Variants in HPSE2 observed in about 807,000 individuals in gnomAD.
HPSE2 encodes heparanase 2 (inactive).
In HPSE2, 38 loss-of-function variants were observed where a neutral mutation model predicts 60.5. The observed-to-expected ratio is 0.63, with a 90% CI of 0.48 to 0.82. The LOEUF is 0.82. Ranked by LOEUF, HPSE2 falls within the 40% of genes least tolerant of loss-of-function variation. HPSE2 has a pLI of 0.00. For missense variants in HPSE2, 713 were observed against 740.4 expected (o/e 0.96, Z 0.43); for synonymous variants, 295 against 293.2 (o/e 1.01, Z -0.06).
intron 7 of HPSE2, among the ~76,000 whole-genome samples, chr10:98,636,270 C>T (rs531505144): frequency 9.7e-4 from 145 of 150,152 alleles, no homozygotes; most frequent in African/African-American, 3.3e-3. Context: ...AACAGAGTCT[C>T]GCTCTGTTGC....
chr10:99,273,599 A>C, the HPSE2 span, among the ~76,000 whole-genome samples: 2 of 152,190 alleles, frequency 1.3e-5, no homozygotes, highest in Non-Finnish European at 2.9e-5. Context: ...TCCAAGACAT[A>C]AACCAACCCC....
At chr10:98,543,162 G>A (rs1474966765) in intron 9 of HPSE2, among the ~76,000 whole-genome samples, 2 of 152,074 alleles carry the variant, frequency 1.3e-5, no homozygotes, top group African/African-American at 4.8e-5. Context: ...GAAGAGAGTG[G>A]GGGCCAATAT....
At chr10:98,755,805 G>A (rs906028105) in intron 3 of HPSE2, among the ~76,000 whole-genome samples, 2 of 152,020 alleles carry the variant, frequency 1.3e-5, no homozygotes, top group Admixed American at 1.3e-4. Flanking sequence ...AGACCATCCT[G>A]GCCAACATGG....
At chr10:98,934,076 G>A (rs748814147) in intron 3 of HPSE2, among the ~76,000 whole-genome samples, 1 of 143,234 alleles carries the variant, frequency 7.0e-6, no homozygotes, top group Non-Finnish European at 1.5e-5. Flanking sequence ...AGTCTGTTTT[G>A]TCAGAAACTA....
At chr10:99,129,994 G>A (rs938609658) in intron 3 of HPSE2, among the ~76,000 whole-genome samples, 1 of 151,940 alleles carries the variant, frequency 6.6e-6, no homozygotes, top group African/African-American at 2.4e-5. Flanking sequence ...AAGGCTACCA[G>A]GAACACCTTT....
chr10:98,466,943 G>A (rs892143050), intron 11 of HPSE2, among the ~76,000 whole-genome samples: 2 of 152,058 alleles, frequency 1.3e-5, no homozygotes, highest in South Asian at 2.1e-4. Context: ...TTCTCCAACC[G>A]CCAAGAGGCT....
At chr10:98,707,686 T>A (rs1348768121) in intron 5 of HPSE2, among the ~76,000 whole-genome samples, 1 of 152,088 alleles carries the variant, frequency 6.6e-6, no homozygotes, top group African/African-American at 2.4e-5. Flanking sequence ...AGTATATAGT[T>A]TACAGAAAAA....
chr10:99,129,219 A>G (rs895093875), intron 3 of HPSE2, among the ~76,000 whole-genome samples: 10 of 152,176 alleles, frequency 6.6e-5, no homozygotes, highest in Non-Finnish European at 1.3e-4. Context: ...ACAGCACTAG[A>G]CAGGTCATCA....
intron 11 of HPSE2, among the ~76,000 whole-genome samples, chr10:98,459,972 C>T (rs1940215135): frequency 6.6e-6 from 1 of 152,144 alleles, no homozygotes; most frequent in African/African-American, 2.4e-5. Context: ...TCATTATCCC[C>T]ATTTTATCTA....
At chr10:98,578,695 G>A (rs1944707275) in intron 9 of HPSE2, among the ~76,000 whole-genome samples, 1 of 152,112 alleles carries the variant, frequency 6.6e-6, no homozygotes, top group Non-Finnish European at 1.5e-5. Flanking sequence ...GAAAAATTGT[G>A]AAACACTTAA....
chr10:98,999,359 A>C (rs1216883694), intron 3 of HPSE2, among the ~76,000 whole-genome samples: 1 of 152,180 alleles, frequency 6.6e-6, no homozygotes, highest in Non-Finnish European at 1.5e-5. Flanking sequence ...CAGGTGCCTG[A>C]AGAGCTTACG....
At chr10:99,046,685 G>T (rs1292882161) in intron 3 of HPSE2, among the ~76,000 whole-genome samples, 1 of 151,912 alleles carries the variant, frequency 6.6e-6, no homozygotes, top group African/African-American at 2.4e-5. Context: ...CACCAATAAT[G>T]TCCATGCTGA....
intron 3 of HPSE2, among the ~76,000 whole-genome samples, chr10:99,069,014 C>A (rs1842702520): frequency 2.0e-5 from 3 of 152,202 alleles, no homozygotes; most frequent in Non-Finnish European, 4.4e-5. Flanking sequence ...GCTGTCTTTA[C>A]TGGTGAATTC....
chr10:99,170,522 T>A (rs1374630906), intron 2 of HPSE2, among the ~76,000 whole-genome samples: 1 of 152,338 alleles, frequency 6.6e-6, no homozygotes, highest in Admixed American at 6.5e-5. Context: ...ATCATTCATA[T>A]GCTAAATATT....
chr10:99,117,417 GAAA>G (rs1157232317), intron 3 of HPSE2, among the ~76,000 whole-genome samples: 40 of 24,798 alleles, frequency 1.6e-3, no homozygotes, highest in African/African-American at 7.8e-3. Flanking sequence ...TTGTTTTTTT[GAAA>G]AAAAAAAAAA....
At chr10:98,870,114 T>A (rs1345680560) in intron 3 of HPSE2, among the ~76,000 whole-genome samples, 1 of 152,194 alleles carries the variant, frequency 6.6e-6, no homozygotes, top group Non-Finnish European at 1.5e-5. Context: ...ACATATAATG[T>A]AGAAAGATGT....
chr10:99,202,022 G>A (rs1047325788), intron 2 of HPSE2, among the ~76,000 whole-genome samples: 2 of 152,148 alleles, frequency 1.3e-5, no homozygotes, highest in African/African-American at 4.8e-5. Context: ...CGAGATCACT[G>A]GAAGAGCAAG....
intron 3 of HPSE2, among the ~76,000 whole-genome samples, chr10:98,885,178 A>G (rs780776306): frequency 2.6e-5 from 4 of 152,132 alleles, no homozygotes; most frequent in Non-Finnish European, 5.9e-5. Flanking sequence ...GTAACTTCAG[A>G]TGTGGTAGAA....
chr10:98,883,738 A>T (rs1345278704), intron 3 of HPSE2, among the ~76,000 whole-genome samples: 1 of 152,124 alleles, frequency 6.6e-6, no homozygotes, highest in Non-Finnish European at 1.5e-5. Context: ...TAGGAGTTCA[A>T]GCCTGTAGTG....
Sources: gnomAD v4.1 joint callset for allele counts (sites outside exome capture counted in the v4.1 genomes callset) on GRCh38, gnomAD v4.1.1 for gene constraint, MANE v1.5 for transcripts, NCBI Gene and HGNC (gene_info 2026-07-23, HGNC 2026-07-21) for gene names.